The following NRXN3 variants were observed in gnomAD, a reference collection of about 807,000 sequenced individuals.
NRXN3 encodes the protein neurexin III.
Under a neutral mutation model 137.6 loss-of-function variants are expected in NRXN3, and 32 were observed. The ratio of observed to expected loss-of-function variants is 0.23; its 90% CI spans 0.18 to 0.31. NRXN3 has a LOEUF of 0.31. Among genes scored for constraint, NRXN3 ranks in the 10% least tolerant of loss-of-function variants. The pLI, the probability that NRXN3 is intolerant of heterozygous loss-of-function variation, is 1.00. For missense variants in NRXN3, 1,574 were observed against 2,062.5 expected, an observed-to-expected ratio of 0.76 and a Z score of 4.59; for synonymous variants, 798 against 784.5, an observed-to-expected ratio of 1.02 and a Z score of -0.29.
intron 8 of NRXN3, among the ~76,000 whole-genome samples, chr14:78,784,257 A>T (rs1387047682): frequency 6.6e-6 from 1 of 152,186 alleles, no homozygotes; most frequent in Non-Finnish European, 1.5e-5. Context: ...TGCAAAATGA[A>T]CAAGGAGCAG....
At chr14:78,516,351 A>G (rs2096207108) in intron 4 of NRXN3, among the ~76,000 whole-genome samples, 2 of 150,964 alleles carry the variant, frequency 1.3e-5, no homozygotes, top group African/African-American at 2.4e-5. Context: ...TTAATTCTAT[A>G]GAATAGAAAA....
chr14:78,765,046 A>T (rs1396230462), intron 8 of NRXN3, among the ~76,000 whole-genome samples: 1 of 152,186 alleles, frequency 6.6e-6, no homozygotes. Flanking sequence ...GGTTAACTAG[A>T]GAGAGGAAGC....
intron 10 of NRXN3, among the ~76,000 whole-genome samples, chr14:78,949,671 A>G (rs1473206825): frequency 2.0e-5 from 3 of 152,104 alleles, no homozygotes; most frequent in Non-Finnish European, 4.4e-5. Flanking sequence ...GAATTGCTGA[A>G]GCAGTAAACT....
intron 15 of NRXN3, among the ~76,000 whole-genome samples, chr14:79,171,974 A>G (rs1231828140): frequency 6.6e-6 from 1 of 152,146 alleles, no homozygotes; most frequent in Non-Finnish European, 1.5e-5. Context: ...GTTTTACTTT[A>G]TCTTGCAACA....
At position 79,743,609 on chromosome 14, in the gene NRXN3, A is replaced by G. The variant is rs530148331; in HGVS notation, c.4014+45672A>G. On this transcript the variant is annotated intron_variant, in intron 19 of 20. Transcript: ENST00000335750. The stretch of plus-strand genomic sequence containing the variant: ...CAAGTGATTCTAATAGGTGGTCGAC[A>G]TGCCATACTTTGAGAAACACTTTTT... Among the ~76,000 whole-genome samples the G allele has an allele frequency of 2.0e-5, 3 of 152,336 alleles. No individual in the cohort carries two copies. The South Asian group carries it at 6.2e-4, about 32-fold the overall frequency.
chr14:79,102,047 C>T (rs1471266432), intron 15 of NRXN3, among the ~76,000 whole-genome samples: 3 of 152,058 alleles, frequency 2.0e-5, no homozygotes, highest in African/African-American at 7.2e-5. Flanking sequence ...AGTAATGGAA[C>T]CAATTCTGGA....
intron 15 of NRXN3, among the ~76,000 whole-genome samples, chr14:79,100,588 T>C (rs907547258): frequency 6.6e-6 from 1 of 152,006 alleles, no homozygotes; most frequent in African/African-American, 2.4e-5. Context: ...CAGAAACATA[T>C]TCCTGAACAA....
At chr14:79,458,885 T>C (rs1433218576) in intron 15 of NRXN3, among the ~76,000 whole-genome samples, 2 of 152,168 alleles carry the variant, frequency 1.3e-5, no homozygotes, top group Admixed American at 6.5e-5. Flanking sequence ...GACAACCTCA[T>C]GTAAAACCAC....
intron 8 of NRXN3, among the ~76,000 whole-genome samples, chr14:78,774,445 A>G: frequency 6.6e-6 from 1 of 152,250 alleles, no homozygotes; most frequent in East Asian, 1.9e-4. Flanking sequence ...TACATGTTGT[A>G]CAACTTAAAT....
intron 4 of NRXN3, among the ~76,000 whole-genome samples, chr14:78,579,168 A>G (rs12323467): frequency 0.045 from 6,903 of 152,220 alleles, 233 homozygotes; most frequent in African/African-American, 0.093. Flanking sequence ...ACCCAGACAC[A>G]TTCTCTCACG....
chr14:78,988,140 T>C lies in NRXN3; in HGVS notation c.3261T>C (p.Asp1087=), dbSNP rs1463128640. The C allele has an allele frequency of 1.2e-6, 2 of 1,613,688 alleles. No homozygotes were observed. The highest frequency in any genetic ancestry group is 3.3e-5 in the Admixed American group (2 of 59,972). ...CTTATTCTGGAAACCAGTGCAATGATCGTAAGTACAACAACCTTTCATACT... is the reference window on the plus strand; with the variant it reads ...CTTATTCTGGAAACCAGTGCAATGACCGTAAGTACAACAACCTTTCATACT... ...MTSYSGNQCN[D]PGATYIFGKS... is the part of the protein sequence containing the mutation. Residue 1087 remains aspartate, a splice_region_variant and synonymous_variant, in exon 15 of 21, where the codon GAT becomes GAC. Transcript: ENST00000335750.
At chr14:78,890,551 TACA>T (rs1169096230) in intron 10 of NRXN3, among the ~76,000 whole-genome samples, 1 of 151,778 alleles carries the variant, frequency 6.6e-6, no homozygotes, top group East Asian at 1.9e-4. Flanking sequence ...CACACTGGGC[TACA>T]ACATCACTAA....
intron 15 of NRXN3, among the ~76,000 whole-genome samples, chr14:79,350,786 T>C (rs1206356971): frequency 6.6e-6 from 1 of 152,158 alleles, no homozygotes; most frequent in Admixed American, 6.5e-5. Flanking sequence ...TCCATAATCC[T>C]CCAAGCCATT....
At chr14:79,155,096 T>C (rs890064790) in intron 15 of NRXN3, among the ~76,000 whole-genome samples, 10 of 152,020 alleles carry the variant, frequency 6.6e-5, no homozygotes, top group African/African-American at 2.4e-4. Flanking sequence ...TCGTGGAAAA[T>C]TGGTGTCACA....
chr14:78,386,256 T>C lies in NRXN3; in HGVS notation c.757+88396T>C, dbSNP rs2089967719. Among the ~76,000 whole-genome samples the C allele has an allele frequency of 2.0e-5, 3 of 152,316 alleles. No homozygotes were observed. In the South Asian group the frequency reaches 6.2e-4, roughly 32 times the overall value. On this transcript the variant is annotated intron_variant, in intron 4 of 20. Coordinates refer to ENST00000335750, the MANE Select transcript of NRXN3 (RefSeq NM_001330195.2). ...TATCTTTTTCTTCCTCTTTCTCTCT[T>C]TGCTGTAATTTAAAAGGAGATAGAT...
At chr14:79,541,352 C>T (rs1164402892) in intron 16 of NRXN3, among the ~76,000 whole-genome samples, 1 of 151,968 alleles carries the variant, frequency 6.6e-6, no homozygotes, top group African/African-American at 2.4e-5. Context: ...TGCAGTGAGC[C>T]AAGATTGTGC....
intron 4 of NRXN3, among the ~76,000 whole-genome samples, chr14:78,574,111 T>C (rs2096914300): frequency 6.6e-6 from 1 of 152,202 alleles, no homozygotes; most frequent in South Asian, 2.1e-4. Context: ...GGCCTGTGGG[T>C]GCACAGAAGT....
intron 15 of NRXN3, among the ~76,000 whole-genome samples, chr14:79,264,255 A>C (rs1227421448): frequency 6.6e-6 from 1 of 151,820 alleles, no homozygotes. Context: ...TGCCTGGCTA[A>C]TTTTTGCATT....
At chr14:79,280,719 G>T in intron 15 of NRXN3, 2 of 636,040 alleles carry the variant, frequency 3.1e-6, no homozygotes, top group East Asian at 5.6e-5. Flanking sequence ...AGTGTTTTCT[G>T]CCCCTAGCCT....
Sources: gnomAD v4.1 joint callset for allele counts (sites outside exome capture counted in the v4.1 genomes callset) on GRCh38, gnomAD v4.1.1 for gene constraint, MANE v1.5 for transcripts, NCBI Gene and HGNC (gene_info 2026-07-23, HGNC 2026-07-21) for gene names.